The following UROC1 variants were observed in gnomAD, a reference collection of about 807,000 sequenced individuals.
UROC1 encodes urocanate hydratase 1.
Under a neutral mutation model 89.5 loss-of-function variants are expected in UROC1, and 79 were observed. The observed-to-expected ratio is 0.88, with a 90% CI of 0.74 to 1.06. UROC1 has a LOEUF of 1.06. Ranked by LOEUF, UROC1 falls within the 50% of genes least tolerant of loss-of-function variation. UROC1 has a pLI of 0.00. For missense variants in UROC1, 885 were observed against 907.8 expected, an observed-to-expected ratio of 0.97 and a Z score of 0.32; for synonymous variants, 361 against 354.8, an observed-to-expected ratio of 1.02 and a Z score of -0.20.
At position 126,482,229 on chromosome 3, in the gene UROC1, T is replaced by G; in HGVS notation, c.*116A>C. 1.0e-4 allele frequency: 155 copies of G among 1,477,936 alleles called. No individual in the cohort carries two copies. Among genetic ancestry groups the G allele is most frequent in the Non-Finnish European group, 1.3e-4 (142 of 1,079,192 alleles). 91.6% of individuals were successfully genotyped at this position (1,477,936 alleles called of 1,614,324 possible). A position where few individuals can be genotyped will look rare whatever the true frequency, so the allele number is the denominator to read the frequency against. ...TGCACAGGGCACCATAAGGGCCACG[T>G]GAGGATGTGCGAGAAGTGCAGGTAG... On this transcript the variant is annotated 3_prime_UTR_variant, in exon 20 of 20. Transcript: ENST00000290868.
At chr3:126,509,256 T>TA (rs1936141224) in intron 3 of UROC1, among the ~76,000 whole-genome samples, 1 of 149,288 alleles carries the variant, frequency 6.7e-6, no homozygotes, top group African/African-American at 2.5e-5. Flanking sequence ...AAAAAAAAAG[T>TA]AAAAAAATAA....
At position 126,510,773 on chromosome 3, in the gene UROC1, G is replaced by T; in HGVS notation, c.148C>A (p.Arg50Ser). The T allele has an allele frequency of 6.2e-7, 1 of 1,613,810 alleles. No individual in the cohort carries two copies. Among genetic ancestry groups the T allele is most frequent in the South Asian group, 1.1e-5 (1 of 91,082 alleles). ...TCCTGGACATCCGGGGGGAAGTAGC[G>T]CAGGGCGTTCCTCAGCGCCAGCTGG... Reference protein sequence around the residue: ...EKQLALRNALRYFPPDVQELL... With the variant: ...EKQLALRNALSYFPPDVQELL... The change falls in exon 2 of 20, where the codon CGC (arginine) becomes AGC (serine). Residue 50 changes from arginine (R) to serine (S), a missense_variant. By Grantham distance (110) the Arg-to-Ser change is moderately radical (BLOSUM62 -1). Transcript: ENST00000290868.
intron 6 of UROC1, among the ~76,000 whole-genome samples, chr3:126,507,412 T>C (rs1299394221): frequency 6.6e-6 from 1 of 151,070 alleles, no homozygotes. Flanking sequence ...GATAGCCACA[T>C]GATAAAGTGA....
intron 9 of UROC1, 145 bp downstream of exon 9, chr3:126,503,850 T>C (rs1935993023): frequency 1.2e-6 from 1 of 854,108 alleles, no homozygotes; most frequent in Non-Finnish European, 2.0e-6. Flanking sequence ...TATATGTACA[T>C]GTGCATGTAT....
chr3:126,488,266 C>T lies in UROC1; in HGVS notation c.1722G>A (p.Gln574=). 1.2e-6 allele frequency: 2 copies of T among 1,614,260 alleles called. No homozygotes were observed. Among genetic ancestry groups the T allele is most frequent in the East Asian group, 4.5e-5 (2 of 44,878 alleles). ...GSAFCADMAV[Q]NFVGDACRGA... ...CGCGACAGGCATCTCCCACGAAGTT[C>T]TGCACAGCCATGTCTGCGGAAATAG... The change falls in exon 18 of 20, where the codon CAG becomes CAA. Residue 574 remains glutamine, a synonymous_variant. Coordinates refer to ENST00000290868, the MANE Select transcript of UROC1 (RefSeq NM_144639.3).
At chr3:126,487,483 C>T (rs780489149) in intron 18 of UROC1, among the ~76,000 whole-genome samples, 3 of 152,236 alleles carry the variant, frequency 2.0e-5, no homozygotes, top group Non-Finnish European at 4.4e-5. Flanking sequence ...GCCAGCCTGT[C>T]GGAATGCTCC....
rs1038151162 is a variant in UROC1 at position 126,496,081 on chromosome 3, A to C, written c.1466T>G (p.Met489Arg). 1 of 1,613,298 alleles carries C rather than the reference A, an allele frequency of 6.2e-7. No homozygotes were observed. The highest frequency in any genetic ancestry group is 1.3e-5 in the African/African-American group (1 of 74,934). Residue 489 changes from methionine to arginine, a missense_variant, in exon 15 of 20, where the codon ATG becomes AGG. Physicochemically the swap from Met to Arg is moderately conservative, Grantham distance 91 (BLOSUM62 -1). Coordinates refer to ENST00000290868, the MANE Select transcript of UROC1 (RefSeq NM_144639.3). ...CTCCCGGATCCAGCGGATGTTGTCC[A>C]TGTACTGCAGCTTCACAGACACCTT... Reference protein sequence around the residue: ...GVKVSVKLQYMDNIRWIREAA... With the variant: ...GVKVSVKLQYRDNIRWIREAA...
At chr3:126,508,387 T>C (rs751830993) in intron 4 of UROC1, 29 bp downstream of exon 4, 1 of 1,610,668 alleles carries the variant, frequency 6.2e-7, no homozygotes, top group Non-Finnish European at 8.5e-7. Flanking sequence ...AGGCCAGGGG[T>C]GGGGACGAGG....
chr3:126,498,092 T>G lies in UROC1; in HGVS notation c.1397A>C (p.Glu466Ala). 1 of 1,614,134 alleles carries G rather than the reference T, an allele frequency of 6.2e-7. No individual in the cohort carries two copies. The highest frequency in any genetic ancestry group is 8.5e-7 in the Non-Finnish European group (1 of 1,180,028). Residue 466 changes from glutamate to alanine, a missense_variant, in exon 14 of 20, where the codon GAA (glutamate) becomes GCA (alanine). Glu to Ala is a moderately radical substitution (Grantham distance 107). Coordinates refer to ENST00000290868, the MANE Select transcript of UROC1 (RefSeq NM_144639.3). ...TTCCTCCAGCACAGATGTGGCCAGT[T>G]CGTCTGTGACCGCCAGGTCCTGGGG... ...GDPQDLAVTD[E>A]LATSVLEEAI...
intron 14 of UROC1, 41 bp downstream of exon 14, chr3:126,498,010 G>A: frequency 2.5e-6 from 4 of 1,613,430 alleles, no homozygotes; most frequent in Non-Finnish European, 3.4e-6. Flanking sequence ...GAAGCTTTGG[G>A]GGGGCCACCC....
intron 8 of UROC1, among the ~76,000 whole-genome samples, chr3:126,505,176 GA>G (rs1936024489): frequency 6.6e-6 from 1 of 152,182 alleles, no homozygotes; most frequent in African/African-American, 2.4e-5. Flanking sequence ...ACAGCCTGCA[GA>G]ACTGTCAAAC....
intron 9 of UROC1, among the ~76,000 whole-genome samples, 194 bp from the exon 10 acceptor site, chr3:126,501,474 A>G (rs915644744): frequency 4.6e-5 from 7 of 152,204 alleles, no homozygotes; most frequent in African/African-American, 1.7e-4. Context: ...ACACAAAACT[A>G]TAAAGGGAAA....
At chr3:126,496,471 G>T (rs62266264) in intron 14 of UROC1, among the ~76,000 whole-genome samples, 1 of 152,142 alleles carries the variant, frequency 6.6e-6, no homozygotes, top group Non-Finnish European at 1.5e-5. Flanking sequence ...GTGGATGCGG[G>T]GGCTTTCTGA....
chr3:126,497,973 C>A, intron 14 of UROC1, 78 bp downstream of exon 14: 5 of 1,610,310 alleles, frequency 3.1e-6, no homozygotes, highest in Non-Finnish European at 4.2e-6. Flanking sequence ...GGTGGGCCTG[C>A]TATAGAAGCT....
At chr3:126,507,102 G>T (rs1414578985) in intron 6 of UROC1, among the ~76,000 whole-genome samples, 1 of 152,116 alleles carries the variant, frequency 6.6e-6, no homozygotes, top group Non-Finnish European at 1.5e-5. Context: ...AAAAGAAATA[G>T]TTTGCATTAC....
intron 2 of UROC1, among the ~76,000 whole-genome samples, 154 bp downstream of exon 2, chr3:126,510,510 C>A (rs538885375): frequency 6.6e-6 from 1 of 152,200 alleles, no homozygotes; most frequent in East Asian, 1.9e-4. Flanking sequence ...CCCGAGGCGA[C>A]GACACAGAAT....
At chr3:126,500,242 C>CGCCA (rs1448271460) in intron 11 of UROC1, 88 bp from the exon 12 acceptor site, 28 of 1,324,528 alleles carry the variant, frequency 2.1e-5, no homozygotes, top group Non-Finnish European at 2.6e-5. Flanking sequence ...CCATGCTCCC[C>CGCCA]ACCAACTTCC....
rs1318951815 is a variant in UROC1 at position 126,500,070 on chromosome 3, C to A, written c.1230G>T (p.Glu410Asp). ...FWDYGNAFLL[E>D]AQRAGADVEK... ...CCTTCCTCCTACCTGCTCTCTGGGC[C>A]TCCAAGAGGAAGGCATTGCCGTAGT... The change falls in exon 12 of 20, where the codon GAG becomes GAT. Residue 410 changes from glutamate to aspartate, a missense_variant. Coordinates refer to ENST00000290868, the MANE Select transcript of UROC1 (RefSeq NM_144639.3). 2 of 1,613,566 alleles carry A rather than the reference C, an allele frequency of 1.2e-6. No individual in the cohort carries two copies. The highest frequency in any genetic ancestry group is 2.7e-5 in the African/African-American group (2 of 75,068).
chr3:126,493,399 C>T (rs147919425), intron 15 of UROC1, among the ~76,000 whole-genome samples: 6 of 152,302 alleles, frequency 3.9e-5, no homozygotes, highest in African/African-American at 1.2e-4. Flanking sequence ...ATGAACCAAA[C>T]GTGGTCTGTC....
Sources: allele counts gnomAD v4.1 joint callset (sites outside exome capture counted in the v4.1 genomes callset), GRCh38; gene constraint gnomAD v4.1.1; transcripts MANE v1.5; gene names NCBI Gene and HGNC (gene_info 2026-07-23, HGNC 2026-07-21).